Variants in GTF2A1L observed in about 807,000 individuals in gnomAD.
GTF2A1L encodes the protein general transcription factor IIA subunit 1 like.
Under a neutral mutation model 49.7 loss-of-function variants are expected in GTF2A1L, and 48 were observed. The observed-to-expected ratio is 0.97, with a 90% CI of 0.77 to 1.23. The LOEUF (loss-of-function observed/expected upper bound fraction) is 1.23, where lower values mean the gene tolerates loss of function less well. Ranked by LOEUF, GTF2A1L falls within the 50% of genes most tolerant of loss-of-function variation. The pLI is 0.00. For synonymous variants in GTF2A1L, 246 were observed against 193.5 expected, an observed-to-expected ratio of 1.27 and a Z score of -2.25; for missense variants, 736 against 564.8, an observed-to-expected ratio of 1.30 and a Z score of -3.07.
chr2:48,635,206 G>A (rs184963038), intron 3 of GTF2A1L, among the ~76,000 whole-genome samples: 1 of 152,124 alleles, frequency 6.6e-6, no homozygotes, highest in African/African-American at 2.4e-5. Context: ...AATACCTGGA[G>A]ATCTGCCTAG....
At chr2:48,679,257 C>T in intron 8 of GTF2A1L, 78 bp from the exon 9 acceptor site, 1 of 1,539,772 alleles carries the variant, frequency 6.5e-7, no homozygotes, top group South Asian at 1.3e-5. Context: ...AGAATAATCC[C>T]ATTTACTGTA....
intron 3 of GTF2A1L, among the ~76,000 whole-genome samples, chr2:48,635,101 T>G (rs555885514): frequency 1.3e-5 from 2 of 152,186 alleles, no homozygotes; most frequent in Admixed American, 1.3e-4. Context: ...GAGATCTGCC[T>G]GGGCATGGAG....
At chr2:48,657,913 G>A (rs1345498120) in intron 6 of GTF2A1L, among the ~76,000 whole-genome samples, 1 of 152,070 alleles carries the variant, frequency 6.6e-6, no homozygotes, top group African/African-American at 2.4e-5. Context: ...CTTTTGAGAA[G>A]TATCTGTTCA....
intron 3 of GTF2A1L, among the ~76,000 whole-genome samples, chr2:48,627,384 G>A (rs903865698): frequency 1.4e-5 from 2 of 143,706 alleles, no homozygotes; most frequent in African/African-American, 5.0e-5. Context: ...CACGTGTAAT[G>A]TTACAGCATA....
intron 8 of GTF2A1L, among the ~76,000 whole-genome samples, chr2:48,672,618 C>G (rs1261090445): frequency 6.6e-6 from 1 of 152,082 alleles, no homozygotes; most frequent in African/African-American, 2.4e-5. Flanking sequence ...GAAGGTGTCT[C>G]TCAGGTTTCC....
chr2:48,649,585 T>C (rs1677731515), intron 6 of GTF2A1L, among the ~76,000 whole-genome samples: 1 of 152,140 alleles, frequency 6.6e-6, no homozygotes, highest in Non-Finnish European at 1.5e-5. Flanking sequence ...TACCATGTAA[T>C]TGTGGTAGGA....
chr2:48,618,543 C>T (rs1675791296), intron 1 of GTF2A1L, among the ~76,000 whole-genome samples: 1 of 152,210 alleles, frequency 6.6e-6, no homozygotes, highest in South Asian at 2.1e-4. Flanking sequence ...CAACAGACTT[C>T]ACATTTCGTG....
chr2:48,660,104 A>G (rs1460819063), intron 6 of GTF2A1L, among the ~76,000 whole-genome samples: 1 of 150,746 alleles, frequency 6.6e-6, no homozygotes, highest in African/African-American at 2.4e-5. Context: ...TTTTTTTTTT[A>G]TCTTGAACTA....
In GTF2A1L at chr2:48,624,381, C is replaced by A. The variant is rs114979558; in HGVS notation, c.247+3091C>A. 8.2e-3 allele frequency among the ~76,000 whole-genome samples: 1,185 copies of A among 143,912 alleles called. 85 individuals are homozygous for A. Among genetic ancestry groups the A allele is most frequent in the African/African-American group, 0.028 (1,128 of 40,578 alleles). The allele number at this position is 143,912 out of a possible 152,430, so 94.4% of individuals were successfully genotyped here. A position where few individuals can be genotyped will look rare whatever the true frequency, so the allele number is the denominator to read the frequency against. On this transcript the variant is annotated intron_variant, in intron 3 of 8. Transcript: ENST00000403751. The stretch of plus-strand genomic sequence containing the variant: ...ATTAATGTCGGCTTAATGAGGTTTG[C>A]AGAAATGAGCTGGATTCTTATCTAT...
In GTF2A1L at chr2:48,646,581, C is replaced by G; in HGVS notation, c.517C>G (p.Pro173Ala). ...GQPSVIQTSV[P>A]QLNPWSLQAT... ...GCCTTCAGTAATACAAACTAGTGTT[C>G]CACAATTGAATCCATGGTCTCTTCA... Residue 173 changes from proline (P) to alanine (A), a missense_variant, in exon 6 of 9, where the codon CCA becomes GCA. Pro to Ala is a conservative substitution (Grantham distance 27, BLOSUM62 -1). Transcript: ENST00000403751. 1.2e-6 allele frequency: 2 copies of G among 1,614,138 alleles called. No individual in the cohort carries two copies.
At chr2:48,643,917 T>C (rs931976745) in intron 4 of GTF2A1L, among the ~76,000 whole-genome samples, 1 of 152,076 alleles carries the variant, frequency 6.6e-6, no homozygotes, top group African/African-American at 2.4e-5. Context: ...CAGGGTGGTC[T>C]CAAACTCCTG....
chr2:48,638,802 A>G (rs1572717190), intron 3 of GTF2A1L, among the ~76,000 whole-genome samples: 1 of 152,198 alleles, frequency 6.6e-6, no homozygotes, highest in Non-Finnish European at 1.5e-5. Context: ...TGCAGATGAT[A>G]TGATTCTATA....
At chr2:48,619,806 A>G (rs1249039416) in intron 1 of GTF2A1L, among the ~76,000 whole-genome samples, 1 of 152,174 alleles carries the variant, frequency 6.6e-6, no homozygotes, top group African/African-American at 2.4e-5. Flanking sequence ...TGTTGCTATA[A>G]CTAGTGTTTA....
chr2:48,661,144 T>C (rs1237225232), intron 6 of GTF2A1L, among the ~76,000 whole-genome samples: 1 of 151,978 alleles, frequency 6.6e-6, no homozygotes. Flanking sequence ...CTCTCCTTTA[T>C]AGTTTTTTAA....
intron 3 of GTF2A1L, among the ~76,000 whole-genome samples, chr2:48,642,067 G>A (rs955978232): frequency 3.9e-5 from 6 of 152,062 alleles, no homozygotes; most frequent in African/African-American, 2.4e-5. Flanking sequence ...ATAGTCTCAC[G>A]GAAATGTGCC....
At chr2:48,666,188 A>G (rs1482640124) in intron 6 of GTF2A1L, among the ~76,000 whole-genome samples, 1 of 151,546 alleles carries the variant, frequency 6.6e-6, no homozygotes, top group Admixed American at 6.6e-5. Context: ...CATTGTATTT[A>G]AAGTGAGTTT....
At chr2:48,634,468 C>T (rs936780259) in intron 3 of GTF2A1L, among the ~76,000 whole-genome samples, 2 of 152,104 alleles carry the variant, frequency 1.3e-5, no homozygotes, top group African/African-American at 4.8e-5. Context: ...TTTGTAGTTT[C>T]TGTTGTGTGG....
chr2:48,621,547 A>G (rs1452447914), intron 3 of GTF2A1L, among the ~76,000 whole-genome samples: 2 of 152,374 alleles, frequency 1.3e-5, no homozygotes, highest in South Asian at 2.1e-4. Context: ...GGAAAGTCAC[A>G]TAGTTTGTCA....
At chr2:48,664,735 C>G (rs1272587367) in intron 6 of GTF2A1L, among the ~76,000 whole-genome samples, 3 of 151,950 alleles carry the variant, frequency 2.0e-5, no homozygotes, top group Non-Finnish European at 4.4e-5. Context: ...TTGGTAATTT[C>G]TTGCAATGGA....
Sources: gnomAD v4.1 joint callset for allele counts (sites outside exome capture counted in the v4.1 genomes callset) on GRCh38, gnomAD v4.1.1 for gene constraint, MANE v1.5 for transcripts, NCBI Gene and HGNC (gene_info 2026-07-23, HGNC 2026-07-21) for gene names.